SLC22A2: variants seen among roughly 807,000 people sequenced by gnomAD.
SLC22A2 encodes organic cation transporter 2.
Under a neutral mutation model 60.5 loss-of-function variants are expected in SLC22A2, and 46 were observed. That is an observed-to-expected ratio of 0.76 (90% CI 0.60 to 0.97). SLC22A2 has a LOEUF of 0.97. SLC22A2 is among the 50% of genes least tolerant of loss of function. The probability of loss-of-function intolerance (pLI) is 0.00; values close to 1 mark genes in which losing one functional copy is unlikely to be tolerated. For synonymous variants in SLC22A2, 303 were observed against 267.0 expected, an observed-to-expected ratio of 1.13 and a Z score of -1.31; for missense variants, 701 against 706.6, an observed-to-expected ratio of 0.99 and a Z score of 0.09.
intron 9 of SLC22A2, among the ~76,000 whole-genome samples, chr6:160,235,392 A>G (rs536148374): frequency 1.3e-5 from 2 of 149,864 alleles, no homozygotes; most frequent in East Asian, 4.0e-4. Flanking sequence ...AAATGTCCCC[A>G]TTCCCCACTG....
intron 5 of SLC22A2, among the ~76,000 whole-genome samples, chr6:160,246,539 G>C (rs1280838750): frequency 1.3e-5 from 2 of 152,080 alleles, no homozygotes; most frequent in Non-Finnish European, 2.9e-5. Context: ...CTGAGGTCAG[G>C]AGTTCGAGAT....
At chr6:160,234,526 TCTC>T (rs1045854523) in intron 9 of SLC22A2, among the ~76,000 whole-genome samples, 3 of 152,140 alleles carry the variant, frequency 2.0e-5, no homozygotes, top group African/African-American at 7.2e-5. Context: ...TCTCCCTTTC[TCTC>T]CTTTCTCTTT....
chr6:160,250,728 G>A (rs752271123), intron 2 of SLC22A2, 26 bp from the exon 3 acceptor site: 2 of 1,606,772 alleles, frequency 1.2e-6, no homozygotes, highest in Non-Finnish European at 8.5e-7. Flanking sequence ...CAAAGAGAGG[G>A]AATTGAATTA....
At position 160,258,803 on chromosome 6, in the gene SLC22A2, C is replaced by T. The variant is rs57454793; in HGVS notation, c.-46G>A. The T allele has an allele frequency of 1.3e-6, 2 of 1,499,652 alleles. No homozygotes were observed. Among genetic ancestry groups the T allele is most frequent in the South Asian group, 1.4e-5 (1 of 73,604 alleles). The allele number at this position is 1,499,652 out of a possible 1,614,324, so 92.9% of individuals were successfully genotyped here. ...CCGAGGCTGCCCGACGTGCCCGGAG[C>T]GAGGCTGAGAGCGGCTGCAGCCAGC... is the stretch of plus-strand genomic sequence containing the variant. On this transcript the variant is annotated 5_prime_UTR_variant, in exon 1 of 11. Coordinates refer to ENST00000366953, the MANE Select transcript of SLC22A2 (RefSeq NM_003058.4).
chr6:160,247,347 C>G (rs1339054986), intron 4 of SLC22A2, 49 bp from the exon 5 acceptor site: 1 of 935,790 alleles, frequency 1.1e-6, no homozygotes, highest in Non-Finnish European at 1.8e-6. Flanking sequence ...TCCTCCTTAC[C>G]CCATCCCCCA....
intron 4 of SLC22A2, 102 bp from the exon 5 acceptor site, chr6:160,247,400 G>T: frequency 1.5e-6 from 1 of 676,040 alleles, no homozygotes; most frequent in South Asian, 1.7e-5. Flanking sequence ...AATACAGTTG[G>T]ATCTCCAAAG....
At chr6:160,245,733 C>G (rs868326799) in intron 5 of SLC22A2, among the ~76,000 whole-genome samples, 188 bp from the exon 6 acceptor site, 3 of 126,032 alleles carry the variant, frequency 2.4e-5, no homozygotes, top group Admixed American at 1.1e-4. Context: ...GAATCTTGCT[C>G]TGTCACCCAG....
At chr6:160,257,180 T>C (rs1783288301) in intron 1 of SLC22A2, among the ~76,000 whole-genome samples, 1 of 152,218 alleles carries the variant, frequency 6.6e-6, no homozygotes, top group South Asian at 2.1e-4. Context: ...TATAGACAAA[T>C]TTATTTTTTC....
chr6:160,240,333 A>G (rs6928157), intron 9 of SLC22A2, among the ~76,000 whole-genome samples: 1,548 of 152,322 alleles, frequency 0.01, 31 homozygotes, highest in African/African-American at 0.036. Flanking sequence ...AAAAGAATCA[A>G]TTATGCAGGC....
rs947982374 is a variant in SLC22A2 at position 160,249,378 on chromosome 6, T to G, written c.680A>C (p.Glu227Ala). ...TCTCCGATATCTCCGCCCAACAAAT[T>G]CTGTAACTGCAGAGAGAATTTGAAT... ...GWLIGYILIT[E>A]FVGRRYRRTV... Residue 227 changes from glutamate (E) to alanine (A), a missense_variant, in exon 4 of 11, where the codon GAA becomes GCA. Coordinates refer to ENST00000366953, the MANE Select transcript of SLC22A2 (RefSeq NM_003058.4). 12 of 1,612,856 alleles carry G rather than the reference T, an allele frequency of 7.4e-6. No individual in the cohort carries two copies. In the African/African-American group the frequency reaches 1.2e-4, roughly 16 times the overall value.
intron 9 of SLC22A2, among the ~76,000 whole-genome samples, chr6:160,231,776 C>G (rs1782828373): frequency 6.6e-6 from 1 of 151,890 alleles, no homozygotes; most frequent in Non-Finnish European, 1.5e-5. Flanking sequence ...TAAATCCTTT[C>G]CCCACTCCCC....
At chr6:160,230,998 G>A (rs144980936) in intron 9 of SLC22A2, among the ~76,000 whole-genome samples, 41 of 152,008 alleles carry the variant, frequency 2.7e-4, no homozygotes, top group African/African-American at 9.4e-4. Context: ...GAAGCCCCCT[G>A]GACCATGATG....
At chr6:160,233,811 C>T (rs940341307) in intron 9 of SLC22A2, among the ~76,000 whole-genome samples, 1 of 151,812 alleles carries the variant, frequency 6.6e-6, no homozygotes, top group African/African-American at 2.4e-5. Context: ...CGAACCAGCC[C>T]TGAGAAACAT....
At chr6:160,218,936 G>GCAA (rs1562428593) in intron 10 of SLC22A2, among the ~76,000 whole-genome samples, 15 of 10,258 alleles carry the variant, frequency 1.5e-3, no homozygotes, top group Admixed American at 7.2e-3. Context: ...AACAGAAGTA[G>GCAA]CAGTAGTAAT....
Position 160,245,529 on chromosome 6 carries a change from T to C in SLC22A2, c.974A>G (p.Glu325Gly). The change falls in exon 6 of 11, where the codon GAG becomes GGG. Residue 325 changes from glutamate (E) to glycine (G), a missense_variant. Coordinates refer to ENST00000366953, the MANE Select transcript of SLC22A2 (RefSeq NM_003058.4). ...PASLQRLRLE[E>G]ETGKKLNPSF... ...AGGGTTCAATTTCTTGCCAGTTTCC[T>C]CTTCAAGTCTCAGGCGCTAAGAAAA... is the stretch of plus-strand genomic sequence containing the variant. 1 of 1,609,804 alleles carries C rather than the reference T, an allele frequency of 6.2e-7. No homozygotes were observed.
At chr6:160,242,717 C>G in intron 7 of SLC22A2, among the ~76,000 whole-genome samples, 1 of 152,200 alleles carries the variant, frequency 6.6e-6, no homozygotes, top group South Asian at 2.1e-4. Flanking sequence ...TTCCACCCCC[C>G]ACTGCCCATC....
Position 160,250,669 on chromosome 6 carries a change from G to A in SLC22A2, c.552C>T (p.Val184=), listed in dbSNP as rs369486972. 8 of 1,613,970 alleles carry A rather than the reference G, an allele frequency of 5.0e-6. No homozygotes were observed. The African/African-American group carries it at 1.1e-4, about 22-fold the overall frequency. Residue 184 remains valine (V), a synonymous_variant, in exon 3 of 11, where the codon GTC becomes GTT. Transcript: ENST00000366953. ...FGRKLCLLTT[V]LINAAAGVLM... is the part of the protein sequence containing the mutation. ...GAACTCCAGCTGCAGCATTTATGAG[G>A]ACTGTAGTTAGGAGGCAGAGCTTAC...
chr6:160,242,452 T>TG, intron 7 of SLC22A2, 50 bp from the exon 8 acceptor site: 1 of 1,035,926 alleles, frequency 9.7e-7, no homozygotes, highest in Non-Finnish European at 1.5e-6. Flanking sequence ...ATTCCTCATC[T>TG]TCAGACAGTG....
chr6:160,218,179 C>A (rs1023837749), intron 10 of SLC22A2: 4 of 246,230 alleles, frequency 1.6e-5, no homozygotes, highest in East Asian at 1.2e-4. Flanking sequence ...CAATCTGAGA[C>A]GAGGGATGGC....
Sources: gnomAD v4.1 joint callset for allele counts (sites outside exome capture counted in the v4.1 genomes callset) on GRCh38, gnomAD v4.1.1 for gene constraint, MANE v1.5 for transcripts, NCBI Gene and HGNC (gene_info 2026-07-23, HGNC 2026-07-21) for gene names.